MUC3A: variants seen among roughly 807,000 people sequenced by gnomAD.
MUC3A encodes mucin 3A, cell surface associated.
Under a neutral mutation model 109.0 loss-of-function variants are expected in MUC3A, and 109 were observed. The observed-to-expected ratio is 1.00, with a 90% CI of 0.86 to 1.17. The LOEUF (loss-of-function observed/expected upper bound fraction) is 1.17. Among genes scored for constraint, MUC3A ranks in the 50% most tolerant of loss-of-function variants. The pLI, the probability that MUC3A is intolerant of heterozygous loss-of-function variation, is 0.00. For missense variants in MUC3A, 3,537 were observed against 2,469.4 expected (o/e 1.43, Z -9.16); for synonymous variants, 1,398 against 981.4 (o/e 1.42, Z -7.93).
intron 8 of MUC3A, 58 bp from the exon 9 acceptor site, chr7:100,966,328 G>T (rs1196210965): frequency 4.8e-6 from 6 of 1,254,806 alleles, no homozygotes; most frequent in Non-Finnish European, 5.9e-6. Context: ...GGGCCCAGGT[G>T]CACGGGTGGA....
chr7:100,962,594 C>T (rs1451650006), intron 3 of MUC3A, among the ~76,000 whole-genome samples: 2 of 152,306 alleles, frequency 1.3e-5, no homozygotes, highest in Non-Finnish European at 2.9e-5. Context: ...CCTGCTTTCA[C>T]TCATCTCCAC....
chr7:100,960,297 T>A lies in MUC3A; in HGVS notation c.8518T>A (p.Ser2840Thr). 6.3e-7 allele frequency: 1 copy of A among 1,598,552 alleles called. No individual in the cohort carries two copies. Among genetic ancestry groups the A allele is most frequent in the Non-Finnish European group, 8.5e-7 (1 of 1,179,826 alleles). The stretch of plus-strand genomic sequence containing the variant: ...TTCTTCCATGATGCCAGAAAGTGAG[T>A]CCAGCATCTCACCCAATGCTTCCAG... The part of the protein sequence containing the change: ...DTSSMMPESE[S>T]SISPNASSST... The change falls in exon 2 of 12, where the codon TCC becomes ACC. Residue 2840 changes from serine (S) to threonine (T), a missense_variant. Coordinates refer to ENST00000379458, the MANE Select transcript of MUC3A (RefSeq NM_005960.2).
rs751957007 is a variant in MUC3A at position 100,952,184 on chromosome 7, A to G, written c.405A>G (p.Ile135Met). The G allele has an allele frequency of 6.3e-7, 1 of 1,598,528 alleles. No homozygotes were observed. Among genetic ancestry groups the G allele is most frequent in the Non-Finnish European group, 8.5e-7 (1 of 1,179,760 alleles). The change falls in exon 2 of 12, where the codon ATA becomes ATG. Residue 135 changes from isoleucine (I) to methionine (M), a missense_variant. Ile to Met is a conservative substitution (Grantham distance 10). Transcript: ENST00000379458. ...AGTGCGTGTATCCAACGAGCTTTAT[A>G]ATCACCATCTCCCACCCCACCTCCA... ...TTECVYPTSF[I>M]ITISHPTSIC...
intron 8 of MUC3A, 35 bp from the exon 9 acceptor site, chr7:100,966,351 A>T (rs1478737120): frequency 7.7e-7 from 1 of 1,296,482 alleles, no homozygotes; most frequent in Non-Finnish European, 9.7e-7. Context: ...CCGAGCCCGG[A>T]GGTGAAGAGG....
rs762073513 is a variant in MUC3A, at chr7:100,958,879, C to G, written c.7100C>G (p.Thr2367Ser). The G allele has an allele frequency of 8.5e-6, 13 of 1,535,688 alleles. No individual in the cohort carries two copies. Among genetic ancestry groups the G allele is most frequent in the Non-Finnish European group, 1.0e-5 (12 of 1,153,086 alleles). Residue 2367 changes from threonine to serine, a missense_variant, in exon 2 of 12, where the codon ACC (threonine) becomes AGC (serine). Physicochemically the swap from Thr to Ser is moderately conservative, Grantham distance 58. Coordinates refer to ENST00000379458, the MANE Select transcript of MUC3A (RefSeq NM_005960.2). The part of the protein sequence containing the change: ...SFTSSITTTE[T>S]TSHSTPSFSS... ...ACTTCTTCGATCACCACCACCGAGA[C>G]CACCTCACACAGTACTCCCAGCTTC...
chr7:100,967,060 A>C, intron 11 of MUC3A, 61 bp from the exon 12 acceptor site: 1 of 1,598,466 alleles, frequency 6.3e-7, no homozygotes, highest in Non-Finnish European at 8.5e-7. Context: ...ATCAGCAGTG[A>C]CCTCCCTGTC....
chr7:100,960,720 C>G (rs776734489), intron 2 of MUC3A, 32 bp from the exon 3 acceptor site: 3 of 1,595,464 alleles, frequency 1.9e-6, no homozygotes, highest in East Asian at 4.5e-5. Context: ...CAGGCTTTAT[C>G]CTGAGCTTCC....
intron 4 of MUC3A, 84 bp from the exon 5 acceptor site, chr7:100,963,604 T>C: frequency 3.1e-6 from 5 of 1,590,288 alleles, no homozygotes; most frequent in Non-Finnish European, 4.3e-6. Flanking sequence ...AATTGAAGGG[T>C]CTTCCCTGGA....
intron 8 of MUC3A, 166 bp from the exon 9 acceptor site, chr7:100,966,217 AGCC>A: frequency 9.2e-6 from 3 of 326,850 alleles, no homozygotes; most frequent in Non-Finnish European, 1.2e-5. Flanking sequence ...CCTAGGGTAG[AGCC>A]CCGGCCCCTC....
Position 100,952,960 on chromosome 7 carries a change from TCTC to T in MUC3A, c.1186_1188del (p.Ser396del). On this transcript the variant is annotated inframe_deletion, in exon 2 of 12. Coordinates refer to ENST00000379458, the MANE Select transcript of MUC3A (RefSeq NM_005960.2). Reference sequence around the variant, plus strand: ...AACTTGGTAACCACCACCACTGAGATCTCCTCCCACAGTACTCCCAGCTTCTCT... The same window carrying T: ...AACTTGGTAACCACCACCACTGAGATCTCCCACAGTACTCCCAGCTTCTCT... 1 of 1,428,732 alleles carries T rather than the reference TCTC, an allele frequency of 7.0e-7. No homozygotes were observed. Among genetic ancestry groups the T allele is most frequent in the Non-Finnish European group, 9.1e-7 (1 of 1,092,992 alleles). 88.5% of individuals were successfully genotyped at this position (1,428,732 alleles called of 1,614,324 possible). A position where few individuals can be genotyped will look rare whatever the true frequency, so the allele number is the denominator to read the frequency against.
chr7:100,965,178 C>A, intron 6 of MUC3A, 104 bp from the exon 7 acceptor site: 2 of 1,511,832 alleles, frequency 1.3e-6, no homozygotes, highest in East Asian at 2.4e-5. Flanking sequence ...ACGGAGAGAG[C>A]CCTCACTGCC....
At chr7:100,966,852 G>A (rs750083042) in intron 10 of MUC3A, 47 bp from the exon 11 acceptor site, 15 of 1,598,306 alleles carry the variant, frequency 9.4e-6, no homozygotes, top group Middle Eastern at 1.6e-4. Flanking sequence ...TCTCCCTTCC[G>A]TCCCCTCCCT....
chr7:100,963,702 T>C lies in MUC3A; in HGVS notation c.9183T>C (p.Phe3061=). Residue 3061 remains phenylalanine, a synonymous_variant, in exon 5 of 12, where the codon TTT becomes TTC. Coordinates refer to ENST00000379458, the MANE Select transcript of MUC3A (RefSeq NM_005960.2). ...TGGTGTTTCAGATGCAGAAGATTTT[T>C]GCAGACATGCAGGGCTTCACCTTCA... ...KTFWNQMQKI[F]ADMQGFTFKG... The C allele has an allele frequency of 6.3e-7, 1 of 1,598,510 alleles. No homozygotes were observed. The highest frequency in any genetic ancestry group is 1.1e-5 in the South Asian group (1 of 91,088).
chr7:100,951,708 G>A, intron 1 of MUC3A, 133 bp from the exon 2 acceptor site: 1 of 1,363,348 alleles, frequency 7.3e-7, no homozygotes, highest in East Asian at 2.4e-5. Context: ...CTCTGATGCA[G>A]GAGTCAGCTG....
In MUC3A at chr7:100,966,927, G is replaced by A; in HGVS notation, c.9906G>A (p.Leu3302=). 6.3e-7 allele frequency: 1 copy of A among 1,598,544 alleles called. No homozygotes were observed. The highest frequency in any genetic ancestry group is 2.2e-5 in the East Asian group (1 of 44,892). ...TDKDTNFYVA[L]ENVDTTMKVH... Reference sequence around the variant, plus strand: ...AGGATACAAATTTCTATGTGGCCTTGGAGAACGTGGACACCACTATGAAGG... The same window carrying A: ...AGGATACAAATTTCTATGTGGCCTTAGAGAACGTGGACACCACTATGAAGG... The change falls in exon 11 of 12, where the codon TTG becomes TTA. Residue 3302 remains leucine, a synonymous_variant. Coordinates refer to ENST00000379458, the MANE Select transcript of MUC3A (RefSeq NM_005960.2).
rs1792219864 is a variant in MUC3A, at chr7:100,959,122, T to G, written c.7343T>G (p.Ile2448Ser). The G allele has an allele frequency of 7.0e-7, 1 of 1,418,546 alleles. No individual in the cohort carries two copies. Among genetic ancestry groups the G allele is most frequent in the Non-Finnish European group, 9.1e-7 (1 of 1,093,068 alleles). 87.9% of individuals were successfully genotyped at this position (1,418,546 alleles called of 1,614,324 possible). Residue 2448 changes from isoleucine (I) to serine (S), a missense_variant, in exon 2 of 12, where the codon ATC becomes AGC. Physicochemically the swap from Ile to Ser is moderately radical, Grantham distance 142. Coordinates refer to ENST00000379458, the MANE Select transcript of MUC3A (RefSeq NM_005960.2). ...ACTCCCAGCCTCAGTTCTTCAACCA[T>G]CTACTCCACAGTCAGCACATCCACA... Reference protein sequence around the residue: ...ESTPSLSSSTIYSTVSTSTTA... With the variant: ...ESTPSLSSSTSYSTVSTSTTA...
chr7:100,960,414 A>G lies in MUC3A; in HGVS notation c.8635A>G (p.Ile2879Val), dbSNP rs1792281305. Residue 2879 changes from isoleucine (I) to valine (V), a missense_variant, in exon 2 of 12, where the codon ATC becomes GTC. Coordinates refer to ENST00000379458, the MANE Select transcript of MUC3A (RefSeq NM_005960.2). ...SETWLSNSSV[I>V]PLPLPGVSTI... is the part of the protein sequence containing the mutation. ...GACCTGGCTGAGCAACAGTTCTGTG[A>G]TCCCCCTACCTCTTCCTGGCGTCTC... 1 of 1,598,554 alleles carries G rather than the reference A, an allele frequency of 6.3e-7. No individual in the cohort carries two copies. Among genetic ancestry groups the G allele is most frequent in the African/African-American group, 1.3e-5 (1 of 75,086 alleles).
chr7:100,963,507 G>A (rs1792412537), intron 4 of MUC3A, among the ~76,000 whole-genome samples, 181 bp from the exon 5 acceptor site: 3 of 152,306 alleles, frequency 2.0e-5, no homozygotes, highest in Admixed American at 6.5e-5. Context: ...GACTGGTCTC[G>A]AACTACTGAC....
chr7:100,958,360 T>A lies in MUC3A; in HGVS notation c.6581T>A (p.Ile2194Asn). The change falls in exon 2 of 12, where the codon ATC becomes AAC. Residue 2194 changes from isoleucine (I) to asparagine (N), a missense_variant. Ile to Asn is a moderately radical substitution (Grantham distance 149). Transcript: ENST00000379458. ...STPSFTSSNT[I>N]TETTSHSTPS... ...CCCAGCTTCACTTCTTCAAATACCA[T>A]CACTGAGACCACCTCACACAGTACT... The A allele has an allele frequency of 5.3e-5, 5 of 93,942 alleles. No individual in the cohort carries two copies. Among genetic ancestry groups the A allele is most frequent in the Non-Finnish European group, 6.5e-5 (4 of 61,256 alleles). The allele number at this position is 93,942 out of a possible 1,614,324, so 5.8% of individuals were successfully genotyped here. A position where few individuals can be genotyped will look rare whatever the true frequency, so the allele number is the denominator to read the frequency against.
Sources: allele counts gnomAD v4.1 joint callset (sites outside exome capture counted in the v4.1 genomes callset), GRCh38; gene constraint gnomAD v4.1.1; transcripts MANE v1.5; gene names NCBI Gene and HGNC (gene_info 2026-07-23, HGNC 2026-07-21).